The following TARBP2 variants were observed in gnomAD, a reference collection of about 807,000 sequenced individuals.
The protein encoded by TARBP2 is TARBP2 subunit of RISC loading complex.
In TARBP2, 23 loss-of-function variants were observed where a neutral mutation model predicts 40.4. The ratio of observed to expected loss-of-function variants is 0.57; its 90% confidence interval spans 0.41 to 0.81. TARBP2 has a LOEUF of 0.81. Among genes scored for constraint, TARBP2 ranks in the 30% least tolerant of loss-of-function variants. The probability of loss-of-function intolerance (pLI) is 0.00; values close to 1 mark genes in which losing one functional copy is unlikely to be tolerated. For missense variants in TARBP2, 358 were observed against 473.7 expected, an observed-to-expected ratio of 0.76 and a Z score of 2.27; for synonymous variants, 183 against 190.5, an observed-to-expected ratio of 0.96 and a Z score of 0.32.
rs1943782520 is a variant in TARBP2, at chr12:53,502,887, C to G, written c.224-140C>G. The G allele has an allele frequency of 5.2e-6, 4 of 768,992 alleles. No homozygotes were observed. The Admixed American group carries it at 1.1e-4, about 20-fold the overall frequency. 47.6% of individuals were successfully genotyped at this position (768,992 alleles called of 1,614,324 possible). Reference sequence around the variant, plus strand: ...CTTCCTTCCAGCAATTAGTGAAACACTTCCAGTCTTCAGCAGGGGGAGGTT... The same window carrying G: ...CTTCCTTCCAGCAATTAGTGAAACAGTTCCAGTCTTCAGCAGGGGGAGGTT... On this transcript the variant is annotated intron_variant, in intron 2 of 8. Transcript: ENST00000266987.
At chr12:53,501,195 G>A (rs1943684046), upstream of TARBP2, 5 of 586,462 alleles carry the variant, frequency 8.5e-6, 1 homozygote. Context: ...CTGCCCGGGC[G>A]AGCCACGCAC....
intron 5 of TARBP2, 30 bp from the exon 6 acceptor site, chr12:53,504,668 G>A: frequency 6.2e-7 from 1 of 1,614,090 alleles, no homozygotes; most frequent in Non-Finnish European, 8.5e-7. Flanking sequence ...TTTTCACTCA[G>A]CCTCATGCAC....
chr12:53,504,481 C>A lies in TARBP2; in HGVS notation c.495+12C>A. On this transcript the variant is annotated intron_variant, in intron 5 of 8. Transcript: ENST00000266987. ...TTGGTGCTCTGCAGGTGTGTCCCAT[C>A]CTCATTTCCCATGCATGCCTGTCTT... 6.2e-7 allele frequency: 1 copy of A among 1,613,008 alleles called. No individual in the cohort carries two copies. Among genetic ancestry groups the A allele is most frequent in the Non-Finnish European group, 8.5e-7 (1 of 1,179,390 alleles).
Position 53,504,405 on chromosome 12 carries a change from C to G in TARBP2, c.431C>G (p.Pro144Arg), listed in dbSNP as rs374557769. ...TGTGCCTTTTCCTTCAGGAGCCCCC[C>G]CATGGAACTGCAGCCCCCTGTCTCC... is the stretch of plus-strand genomic sequence containing the variant. ...VPSVVLTRSP[P>R]MELQPPVSPQ... Residue 144 changes from proline (P) to arginine (R), a missense_variant, in exon 5 of 9, where the codon CCC becomes CGC. Around this residue, in one of 3 missense-constraint regions of TARBP2, gnomAD observed 317 missense variants for 422.9 expected, o/e 0.75. Transcript: ENST00000266987. The G allele has an allele frequency of 7.0e-6, 11 of 1,572,312 alleles. No individual in the cohort carries two copies. In the South Asian group the frequency reaches 7.2e-5, roughly 10 times the overall value.
Position 53,506,000 on chromosome 12 carries a change from G to A in TARBP2, c.953G>A (p.Ser318Asn). The A allele has an allele frequency of 6.2e-7, 1 of 1,613,928 alleles. No individual in the cohort carries two copies. The highest frequency in any genetic ancestry group is 8.5e-7 in the Non-Finnish European group (1 of 1,179,900). The change falls in exon 9 of 9, where the codon AGC becomes AAC. Residue 318 changes from serine (S) to asparagine (N), a missense_variant. Ser to Asn is a conservative substitution (Grantham distance 46). Transcript: ENST00000266987. The surrounding 1 kb of genome is among the most constrained non-coding windows in gnomAD (Gnocchi z 4.5). Reference sequence around the variant, plus strand: ...CTCTCTTGCTCTCCAGAGGAGCTGAGCCTGAGTGGACTCTGCCAGTGCCTG... The same window carrying A: ...CTCTCTTGCTCTCCAGAGGAGCTGAACCTGAGTGGACTCTGCCAGTGCCTG... ...HVSYLDIEEL[S>N]LSGLCQCLVE... is the part of the protein sequence containing the mutation.
upstream of TARBP2, chr12:53,500,964 C>CTGTA (rs1943673772): frequency 5.7e-6 from 1 of 176,238 alleles, no homozygotes; most frequent in Non-Finnish European, 1.2e-5. Context: ...CTCTTGGGTT[C>CTGTA]TGTAGTTTTC....
At chr12:53,503,301 ATTC>A in intron 3 of TARBP2, 172 bp downstream of exon 3, 1 of 1,378,904 alleles carries the variant, frequency 7.3e-7, no homozygotes, top group Non-Finnish European at 9.5e-7. Flanking sequence ...GCTATGAAGA[ATTC>A]TTGGGGTGGA....
At position 53,505,994 on chromosome 12, in the gene TARBP2, A is replaced by T. The variant is rs1471926971; in HGVS notation, c.947A>T (p.Glu316Val). Residue 316 changes from glutamate to valine, a missense_variant, in exon 9 of 9, where the codon GAG becomes GTG. Glu to Val is a moderately radical substitution (Grantham distance 121). This residue lies in a region of TARBP2 where 317 missense variants were observed against 422.9 expected (regional missense o/e 0.75). Transcript: ENST00000266987. This position sits in a 1 kb window ranked among gnomAD's most constrained non-coding sequence, Gnocchi z 4.5. ...CCTCCTCTCTCTTGCTCTCCAGAGG[A>T]GCTGAGCCTGAGTGGACTCTGCCAG... ...AFHVSYLDIE[E>V]LSLSGLCQCL... 4 of 1,613,658 alleles carry T rather than the reference A, an allele frequency of 2.5e-6. No homozygotes were observed. In the African/African-American group the frequency reaches 5.3e-5, roughly 22 times the overall value.
At position 53,503,791 on chromosome 12, in the gene TARBP2, A is replaced by G. The variant is rs1449119698; in HGVS notation, c.405A>G (p.Pro135=). 6.2e-7 allele frequency: 1 copy of G among 1,613,896 alleles called. No individual in the cohort carries two copies. The highest frequency in any genetic ancestry group is 8.5e-7 in the Non-Finnish European group (1 of 1,179,946). ...CTGCAGCAGCTGCTACCCCAGTTCCATCTGTAGTCCTAACCAGGTATCTGT... is the reference window on the plus strand; with the variant it reads ...CTGCAGCAGCTGCTACCCCAGTTCCGTCTGTAGTCCTAACCAGGTATCTGT... ...FTAAAAATPV[P]SVVLTRSPPM... Residue 135 remains proline (P), a synonymous_variant, in exon 4 of 9, where the codon CCA becomes CCG. Coordinates refer to ENST00000266987, the MANE Select transcript of TARBP2 (RefSeq NM_134323.2).
Position 53,504,423 on chromosome 12 carries a change from C to T in TARBP2, c.449C>T (p.Pro150Leu), listed in dbSNP as rs1943866202. The T allele has an allele frequency of 1.9e-6, 3 of 1,610,014 alleles. No individual in the cohort carries two copies. Among genetic ancestry groups the T allele is most frequent in the Non-Finnish European group, 2.5e-6 (3 of 1,178,244 alleles). Residue 150 changes from proline to leucine, a missense_variant, in exon 5 of 9, where the codon CCT becomes CTT. This residue lies in a region of TARBP2 where 317 missense variants were observed against 422.9 expected (regional missense o/e 0.75). Transcript: ENST00000266987. ...AGCCCCCCCATGGAACTGCAGCCCC[C>T]TGTCTCCCCTCAGCAGTCTGAGTGC... is the stretch of plus-strand genomic sequence containing the variant. ...TRSPPMELQP[P>L]VSPQQSECNP...
intron 4 of TARBP2, chr12:53,504,058 C>T: frequency 1.7e-6 from 1 of 589,216 alleles, no homozygotes; most frequent in Non-Finnish European, 3.0e-6. Flanking sequence ...GCCCCATTTT[C>T]TTCTGGGTTG....
intron 5 of TARBP2, 84 bp downstream of exon 5, chr12:53,504,553 G>A (rs1319123102): frequency 7.5e-6 from 12 of 1,601,784 alleles, no homozygotes; most frequent in Non-Finnish European, 9.4e-6. Context: ...GTTTGGGGGT[G>A]GGGGCGGTTC....
At position 53,506,378 on chromosome 12, in the gene TARBP2, CAGG is replaced by C. The variant is rs1248924891; in HGVS notation, c.*231_*233del. On this transcript the variant is annotated 3_prime_UTR_variant, in exon 9 of 9. Transcript: ENST00000266987. ...TGGTGATGATGAATGGGAATGAAATCAGGGGGCTGTCTACTAGAGCCTGGAATA... is the reference window on the plus strand; with the variant it reads ...TGGTGATGATGAATGGGAATGAAATCGGGCTGTCTACTAGAGCCTGGAATA... 2 of 576,786 alleles carry C rather than the reference CAGG, an allele frequency of 3.5e-6. No homozygotes were observed. The highest frequency in any genetic ancestry group is 6.1e-6 in the Non-Finnish European group (2 of 328,904). 35.7% of individuals were successfully genotyped at this position (576,786 alleles called of 1,614,324 possible).
Position 53,506,019 on chromosome 12 carries a change from G to A in TARBP2, c.972G>A (p.Gln324=). 1.2e-6 allele frequency: 2 copies of A among 1,614,092 alleles called. No individual in the cohort carries two copies. Among genetic ancestry groups the A allele is most frequent in the South Asian group, 2.2e-5 (2 of 91,080 alleles). ...AGCTGAGCCTGAGTGGACTCTGCCA[G>A]TGCCTGGTGGAACTGTCCACCCAGC... is the stretch of plus-strand genomic sequence containing the variant. The part of the protein sequence containing the change: ...IEELSLSGLC[Q]CLVELSTQPA... The change falls in exon 9 of 9, where the codon CAG becomes CAA. Residue 324 remains glutamine, a synonymous_variant. Transcript: ENST00000266987.
Position 53,505,062 on chromosome 12 carries a change from T to C in TARBP2, c.614-73T>C. 1 of 1,541,928 alleles carries C rather than the reference T, an allele frequency of 6.5e-7. No individual in the cohort carries two copies. ...GTTGACATTCTGGGGGGACCCTCAA[T>C]CCAAGTATGACCTGGGTGGAAGCAC... On this transcript the variant is annotated intron_variant, in intron 6 of 8. Coordinates refer to ENST00000266987, the MANE Select transcript of TARBP2 (RefSeq NM_134323.2). This position sits in a 1 kb window ranked among gnomAD's most constrained non-coding sequence, Gnocchi z 4.5.
At chr12:53,504,159 C>T (rs1175257581) in intron 4 of TARBP2, 11 of 564,598 alleles carry the variant, frequency 1.9e-5, no homozygotes, top group Non-Finnish European at 3.4e-5. Context: ...TAGATGATAC[C>T]CAAGTGTTCC....
intron 4 of TARBP2, 72 bp downstream of exon 4, chr12:53,503,880 A>G: frequency 1.7e-6 from 2 of 1,165,246 alleles, no homozygotes; most frequent in Non-Finnish European, 1.3e-6. Flanking sequence ...CAGTCCTTGG[A>G]CCCAAGCTGG....
chr12:53,505,053 G>GA lies in TARBP2; in HGVS notation c.614-81dup. On this transcript the variant is annotated intron_variant, in intron 6 of 8. Coordinates refer to ENST00000266987, the MANE Select transcript of TARBP2 (RefSeq NM_134323.2). The surrounding 1 kb of genome is among the most constrained non-coding windows in gnomAD (Gnocchi z 4.5). The stretch of plus-strand genomic sequence containing the variant: ...CCCTTTCCAGTTGACATTCTGGGGG[G>GA]ACCCTCAATCCAAGTATGACCTGGG... 1 of 1,534,512 alleles carries GA rather than the reference G, an allele frequency of 6.5e-7. No individual in the cohort carries two copies. Among genetic ancestry groups the GA allele is most frequent in the Non-Finnish European group, 8.8e-7 (1 of 1,135,766 alleles).
chr12:53,503,258 T>G, intron 3 of TARBP2, 129 bp downstream of exon 3: 2 of 1,417,890 alleles, frequency 1.4e-6, no homozygotes, highest in Non-Finnish European at 1.8e-6. Context: ...AGAGTCCCTC[T>G]GGACCTGAAC....
Sources: allele counts gnomAD v4.1 joint callset, GRCh38; gene constraint gnomAD v4.1.1; regional missense constraint gnomAD v4.1.1; non-coding constraint Gnocchi (gnomAD v3.1); transcripts MANE v1.5; gene names NCBI Gene and HGNC (gene_info 2026-07-23, HGNC 2026-07-21).